The following MALRD1 variants were observed in gnomAD, a reference collection of about 807,000 sequenced individuals.
The protein encoded by MALRD1 is MAM and LDL receptor class A domain containing 1, also known as MAM and LDL-receptor class A domain-containing protein 1.
MALRD1 carries 247 observed loss-of-function variants against 242.1 expected under a neutral mutation model. That is an observed-to-expected ratio of 1.02 (90% CI 0.92 to 1.13). MALRD1 has a LOEUF of 1.13. MALRD1 is among the 50% of genes most tolerant of loss of function. MALRD1 has a pLI of 0.00. For missense variants in MALRD1, 2,989 were observed against 2,533.1 expected, an observed-to-expected ratio of 1.18 and a Z score of -3.86; for synonymous variants, 995 against 866.6, an observed-to-expected ratio of 1.15 and a Z score of -2.60.
At chr10:19,237,735 T>C (rs1199228608) in intron 18 of MALRD1, among the ~76,000 whole-genome samples, 3 of 109,340 alleles carry the variant, frequency 2.7e-5, no homozygotes, top group East Asian at 5.6e-4. Context: ...TATATAATTA[T>C]ATATAATTTA....
At chr10:19,445,856 T>C (rs538332699) in intron 28 of MALRD1, among the ~76,000 whole-genome samples, 22 of 152,246 alleles carry the variant, frequency 1.4e-4, no homozygotes, top group Admixed American at 9.1e-4. Context: ...TCTGCAAAAG[T>C]TTCTGCTGCC....
At chr10:19,140,004 C>G (rs147015280) in intron 10 of MALRD1, among the ~76,000 whole-genome samples, 1 of 152,118 alleles carries the variant, frequency 6.6e-6, no homozygotes. Context: ...AGCAAAAACT[C>G]TGTTTACTTT....
At chr10:19,591,026 A>G (rs74122013) in intron 33 of MALRD1, among the ~76,000 whole-genome samples, 2,068 of 152,246 alleles carry the variant, frequency 0.014, 36 homozygotes, top group African/African-American at 0.047. Flanking sequence ...TCACCGCCCT[A>G]AAAATCTCCT....
chr10:19,633,669 A>C (rs1031505789), intron 36 of MALRD1: 4 of 152,030 alleles, frequency 2.6e-5, no homozygotes, highest in Admixed American at 6.6e-5. Context: ...AAACACTTAC[A>C]GATTTTTTTT....
At position 19,491,623 on chromosome 10, in the gene MALRD1, T is replaced by C; in HGVS notation, c.5136T>C (p.Asp1712=). The change falls in exon 30 of 40, where the codon GAT becomes GAC. Residue 1712 remains aspartate (D), a synonymous_variant. Coordinates refer to ENST00000454679, the MANE Select transcript of MALRD1 (RefSeq NM_001142308.3). ...GTGACTATAAGCCAGACTGCTCTGA[T>C]AGGTCTGATGAAGCTCACTGTGGTA... ...LLCDYKPDCS[D]RSDEAHCAHY... The C allele has an allele frequency of 3.9e-6, 6 of 1,549,808 alleles. No homozygotes were observed. Among genetic ancestry groups the C allele is most frequent in the Non-Finnish European group, 5.2e-6 (6 of 1,146,742 alleles).
intron 28 of MALRD1, among the ~76,000 whole-genome samples, chr10:19,440,004 C>G (rs1444371951): frequency 6.6e-6 from 1 of 152,184 alleles, no homozygotes; most frequent in African/African-American, 2.4e-5. Flanking sequence ...CATTGCTTCT[C>G]CCTGCTGCAA....
At chr10:19,196,645 T>C (rs183310954) in intron 14 of MALRD1, among the ~76,000 whole-genome samples, 3 of 151,658 alleles carry the variant, frequency 2.0e-5, no homozygotes, top group Non-Finnish European at 4.4e-5. Flanking sequence ...GATTCATACA[T>C]ACAGCTCTTG....
intron 31 of MALRD1, among the ~76,000 whole-genome samples, chr10:19,529,261 A>G (rs1463144784): frequency 6.6e-6 from 1 of 152,200 alleles, no homozygotes; most frequent in Non-Finnish European, 1.5e-5. Context: ...GCCCAATTAT[A>G]TTATAAGAAG....
intron 32 of MALRD1, among the ~76,000 whole-genome samples, chr10:19,534,316 T>C (rs1237579007): frequency 6.6e-6 from 1 of 152,220 alleles, no homozygotes; most frequent in Non-Finnish European, 1.5e-5. Context: ...ATGAAAACCT[T>C]CCTAAGCATG....
chr10:19,657,616 G>T (rs1841221314), intron 36 of MALRD1, among the ~76,000 whole-genome samples: 1 of 151,826 alleles, frequency 6.6e-6, no homozygotes, highest in Non-Finnish European at 1.5e-5. Context: ...AAATATTTTG[G>T]TAAAGCATTT....
intron 36 of MALRD1, among the ~76,000 whole-genome samples, chr10:19,665,170 A>G (rs1232486638): frequency 1.3e-5 from 2 of 152,174 alleles, no homozygotes; most frequent in African/African-American, 4.8e-5. Flanking sequence ...TGAGTAACTC[A>G]GAGGTGGTTA....
rs554808233 is a variant in MALRD1, at chr10:19,408,010, A to G, written c.4845+18401A>G. On this transcript the variant is annotated intron_variant, in intron 28 of 39. Transcript: ENST00000454679. ...CCCTTGCTTACCTCACGGAAAGCCA[A>G]TCACTGAAACAATGAGTATTGCCAG... Among the ~76,000 whole-genome samples, 3 of 152,282 alleles carry G rather than the reference A, an allele frequency of 2.0e-5. No homozygotes were observed. The South Asian group carries it at 6.2e-4, about 32-fold the overall frequency.
rs370793592 is a variant in MALRD1, at chr10:19,594,237, AT to A, written c.5681-954del. On this transcript the variant is annotated intron_variant, in intron 33 of 39. Coordinates refer to ENST00000454679, the MANE Select transcript of MALRD1 (RefSeq NM_001142308.3). ...TCCAATTGAAGGCATAGAAATAAAA[AT>A]TTCTTCTTTAATTTGAAGGTGTCAG... Among the ~76,000 whole-genome samples the A allele has an allele frequency of 2.8e-3, 426 of 152,278 alleles. 4 individuals are homozygous for A. The highest frequency in any genetic ancestry group is 9.9e-3 in the African/African-American group (412 of 41,560).
chr10:19,306,103 T>C (rs1239540286), intron 21 of MALRD1, among the ~76,000 whole-genome samples: 1 of 114,124 alleles, frequency 8.8e-6, no homozygotes, highest in Non-Finnish European at 1.7e-5. Flanking sequence ...ATATACTAGA[T>C]AGTATATATA....
intron 28 of MALRD1, among the ~76,000 whole-genome samples, chr10:19,429,960 C>T (rs753320881): frequency 6.6e-6 from 1 of 152,046 alleles, no homozygotes; most frequent in Non-Finnish European, 1.5e-5. Context: ...CCAATGTACC[C>T]AGTCATTACT....
chr10:19,214,779 G>C (rs942787304), intron 18 of MALRD1, among the ~76,000 whole-genome samples: 2 of 152,116 alleles, frequency 1.3e-5, no homozygotes, highest in African/African-American at 4.8e-5. Context: ...AAGTCAGAAG[G>C]AGCCAAATCA....
At chr10:19,134,912 C>T (rs1833275468) in intron 9 of MALRD1, among the ~76,000 whole-genome samples, 3 of 151,776 alleles carry the variant, frequency 2.0e-5, no homozygotes, top group Non-Finnish European at 2.9e-5. Context: ...ATTTTTGAAC[C>T]TCAAATTGAT....
intron 21 of MALRD1, among the ~76,000 whole-genome samples, chr10:19,303,537 A>G (rs2499081): frequency 0.14 from 20,549 of 151,748 alleles, 1,677 homozygotes; most frequent in South Asian, 0.35. Context: ...GAACTAATGC[A>G]TATCTCTTGT....
chr10:19,693,898 A>G (rs1478888225), intron 38 of MALRD1, among the ~76,000 whole-genome samples: 1 of 152,186 alleles, frequency 6.6e-6, no homozygotes, highest in African/African-American at 2.4e-5. Context: ...ATGGAACAGA[A>G]CAGAGCCCTC....
Sources: allele counts gnomAD v4.1 joint callset (sites outside exome capture counted in the v4.1 genomes callset), GRCh38; gene constraint gnomAD v4.1.1; transcripts MANE v1.5; gene names NCBI Gene and HGNC (gene_info 2026-07-23, HGNC 2026-07-21).